The following ASB5 variants were observed in gnomAD, a reference collection of about 807,000 sequenced individuals.
ASB5 encodes ankyrin repeat and SOCS box protein 5.
A neutral mutation model predicts 42.1 loss-of-function variants in ASB5; 45 were observed. The ratio of observed to expected loss-of-function variants is 1.07; its 90% CI spans 0.84 to 1.37. The LOEUF is 1.37. Among genes scored for constraint, ASB5 ranks in the 40% most tolerant of loss-of-function variants. The pLI, the probability that ASB5 is intolerant of heterozygous loss-of-function variation, is 0.00. For synonymous variants in ASB5, 147 were observed against 150.6 expected, an observed-to-expected ratio of 0.98 and a Z score of 0.18; for missense variants, 402 against 399.8, an observed-to-expected ratio of 1.01 and a Z score of -0.05.
intron 2 of ASB5, among the ~76,000 whole-genome samples, chr4:176,275,339 G>C (rs1246254133): frequency 1.3e-5 from 2 of 152,078 alleles, no homozygotes; most frequent in Admixed American, 1.3e-4. Context: ...GGGTCTAGGA[G>C]GACCCTGTTT....
At chr4:176,276,646 T>A (rs532617499) in intron 1 of ASB5, among the ~76,000 whole-genome samples, 1 of 152,120 alleles carries the variant, frequency 6.6e-6, no homozygotes, top group Non-Finnish European at 1.5e-5. Flanking sequence ...GTTTTAGAAA[T>A]AAAACATATC....
Position 176,268,146 on chromosome 4 carries a change from G to A in ASB5, c.196+767C>T, listed in dbSNP as rs140076918. On this transcript the variant is annotated intron_variant, in intron 1 of 6. Coordinates refer to ENST00000296525, the MANE Select transcript of ASB5 (RefSeq NM_080874.4). ...TGGCACTTTAAAGCCTGCCATATGA[G>A]TCATTTTTATTTTTTAGAGTACCGA... is the stretch of plus-strand genomic sequence containing the variant. Among the ~76,000 whole-genome samples the A allele has an allele frequency of 1.1e-4, 16 of 152,214 alleles. No homozygotes were observed. The East Asian group carries it at 3.1e-3, about 29-fold the overall frequency.
intron 5 of ASB5, among the ~76,000 whole-genome samples, chr4:176,218,343 TATAA>T (rs1383844952): frequency 2.3e-5 from 2 of 88,426 alleles, no homozygotes; most frequent in Admixed American, 1.5e-4. Context: ...TTGTATGATA[TATAA>T]ATATATATTT....
chr4:176,250,378 C>A (rs80096488), intron 1 of ASB5, among the ~76,000 whole-genome samples: 4,969 of 152,254 alleles, frequency 0.033, 269 homozygotes, highest in East Asian at 0.27. Context: ...ACGTAGAAAT[C>A]ATTTTCTTTA....
intron 1 of ASB5, chr4:176,241,771 T>C: frequency 1.2e-6 from 1 of 842,748 alleles, no homozygotes; most frequent in South Asian, 4.5e-5. Flanking sequence ...GTTCCAAAGG[T>C]CATTCATTTA....
chr4:176,230,213 T>C (rs1175094761), intron 1 of ASB5, among the ~76,000 whole-genome samples: 1 of 152,152 alleles, frequency 6.6e-6, no homozygotes, highest in African/African-American at 2.4e-5. Flanking sequence ...CATAAGCTGG[T>C]AAATGGGGGA....
chr4:176,239,406 A>G (rs1407806501), intron 1 of ASB5, among the ~76,000 whole-genome samples: 1 of 152,228 alleles, frequency 6.6e-6, no homozygotes, highest in African/African-American at 2.4e-5. Context: ...ATAATGCATA[A>G]TAATATTCCT....
chr4:176,267,877 G>C (rs1298335333), intron 1 of ASB5, among the ~76,000 whole-genome samples: 1 of 152,042 alleles, frequency 6.6e-6, no homozygotes, highest in Non-Finnish European at 1.5e-5. Context: ...TGTACTAATA[G>C]AGTAACCTAG....
In ASB5 at chr4:176,264,965, T is replaced by C. The variant is rs564380437; in HGVS notation, c.196+3948A>G. The stretch of plus-strand genomic sequence containing the variant: ...ATTACCAAACTAGTCTAGGTCCTCA[T>C]CTCCTCATGGCAAGGTCGTAACTGG... On this transcript the variant is annotated intron_variant, in intron 1 of 6. Coordinates refer to ENST00000296525, the MANE Select transcript of ASB5 (RefSeq NM_080874.4). 3.0e-4 allele frequency among the ~76,000 whole-genome samples: 46 copies of C among 152,188 alleles called. No individual in the cohort carries two copies. In the South Asian group the frequency reaches 9.3e-3, roughly 31 times the overall value.
chr4:176,248,032 G>C (rs961160173), intron 1 of ASB5, among the ~76,000 whole-genome samples: 1 of 152,066 alleles, frequency 6.6e-6, no homozygotes, highest in African/African-American at 2.4e-5. Flanking sequence ...AAGTACAAAT[G>C]GTCAACAAAA....
intron 1 of ASB5, chr4:176,249,381 C>T (rs1224000092): frequency 6.6e-6 from 1 of 152,008 alleles, no homozygotes; most frequent in Non-Finnish European, 1.5e-5. Context: ...CAAAAAGATC[C>T]CAGGTAAAAA....
chr4:176,232,125 ATAC>A (rs1303724527), intron 1 of ASB5, among the ~76,000 whole-genome samples: 22 of 141,946 alleles, frequency 1.5e-4, no homozygotes, highest in African/African-American at 4.4e-4. Flanking sequence ...ATATATATAT[ATAC>A]TTTTTTTTTT....
At chr4:176,226,943 C>T (rs892819253) in intron 1 of ASB5, among the ~76,000 whole-genome samples, 2 of 152,212 alleles carry the variant, frequency 1.3e-5, no homozygotes, top group Non-Finnish European at 2.9e-5. Flanking sequence ...CAACAGTGTC[C>T]TAGTGCTTAA....
chr4:176,241,395 G>T, intron 1 of ASB5: 3 of 1,293,698 alleles, frequency 2.3e-6, no homozygotes, highest in Non-Finnish European at 3.2e-6. Context: ...TACTATTAAG[G>T]GCTCACTAAG....
intron 1 of ASB5, among the ~76,000 whole-genome samples, chr4:176,251,564 TAAAAAAAAAAAAAAAA>T (rs34392287): frequency 1.9e-4 from 2 of 10,386 alleles, no homozygotes; most frequent in African/African-American, 7.8e-4. Flanking sequence ...TCTGTCTCAT[TAAAAAAAAAAAAAAAA>T]AAAAAAAAAA....
At chr4:176,224,725 A>G (rs1241497352) in intron 2 of ASB5, among the ~76,000 whole-genome samples, 1 of 152,112 alleles carries the variant, frequency 6.6e-6, no homozygotes. Flanking sequence ...TACCCAAGCC[A>G]AAGTGTTTTC....
At chr4:176,266,269 C>T (rs572081413) in intron 1 of ASB5, among the ~76,000 whole-genome samples, 19 of 152,228 alleles carry the variant, frequency 1.2e-4, no homozygotes, top group South Asian at 1.2e-3. Context: ...AAATAATACA[C>T]GCCATCTCTT....
chr4:176,219,330 ATATAAATATATATATTT>A (rs1303518250), intron 5 of ASB5, among the ~76,000 whole-genome samples: 4 of 87,684 alleles, frequency 4.6e-5, no homozygotes, highest in East Asian at 3.7e-4. Context: ...TTTGTATGAT[ATATAAATATATATATTT>A]GTATGATATA....
rs2126936870 is a variant in ASB5 at position 176,216,954 on chromosome 4, T to C, written c.726A>G (p.Gln242=). Residue 242 remains glutamine, a synonymous_variant, in exon 6 of 7, where the codon CAA becomes CAG. Coordinates refer to ENST00000296525, the MANE Select transcript of ASB5 (RefSeq NM_080874.4). ...AGTTTACAATTTCTGTGCTGGATTG[T>C]TGAGCAGCAGCATGTAATGGAGTAT... ...YWDTPLHAAA[Q]QSSTEIVNLL... is the part of the protein sequence containing the mutation. 1 of 1,613,918 alleles carries C rather than the reference T, an allele frequency of 6.2e-7. No individual in the cohort carries two copies. The highest frequency in any genetic ancestry group is 8.5e-7 in the Non-Finnish European group (1 of 1,179,898).
Sources: allele counts gnomAD v4.1 joint callset (sites outside exome capture counted in the v4.1 genomes callset), GRCh38; gene constraint gnomAD v4.1.1; transcripts MANE v1.5; gene names NCBI Gene and HGNC (gene_info 2026-07-23, HGNC 2026-07-21).